The following LMOD3 variants were observed in gnomAD, a reference collection of about 807,000 sequenced individuals.
The protein encoded by LMOD3 is leiomodin-3.
In LMOD3, 31 loss-of-function variants were observed where a neutral mutation model predicts 41.8. The observed-to-expected ratio is 0.74, with a 90% confidence interval of 0.56 to 1.00. LMOD3 has a LOEUF of 1.00. LMOD3 is among the 50% of genes least tolerant of loss of function. LMOD3 has a pLI of 0.00. For synonymous variants in LMOD3, 292 were observed against 241.9 expected (o/e 1.21, Z -1.92); for missense variants, 755 against 679.5 (o/e 1.11, Z -1.23).
chr3:69,117,114 GAA>G (rs1397212915), intron 2 of LMOD3, among the ~76,000 whole-genome samples: 1 of 152,226 alleles, frequency 6.6e-6, no homozygotes, highest in African/African-American at 2.4e-5. Context: ...AGCAGGTGCA[GAA>G]AGTCTTGATG....
chr3:69,116,106 AAT>A (rs2092371388), intron 2 of LMOD3, among the ~76,000 whole-genome samples: 1 of 152,260 alleles, frequency 6.6e-6, no homozygotes. Context: ...AAAAAATTAA[AAT>A]ATCTTTTAAA....
intron 2 of LMOD3, among the ~76,000 whole-genome samples, chr3:69,113,727 T>C (rs928123100): frequency 3.9e-5 from 6 of 152,224 alleles, no homozygotes; most frequent in Non-Finnish European, 7.3e-5. Context: ...TTGGATATGA[T>C]ACAAAATGCA....
In LMOD3 at chr3:69,106,678, T is replaced by C. The variant is rs1006322632; in HGVS notation, c.*2417A>G. ...TACTGTGGCTATACAAACAAATGCATAGGGGCTTTCTAGAATTTTTTTTTT... is the reference window on the plus strand; with the variant it reads ...TACTGTGGCTATACAAACAAATGCACAGGGGCTTTCTAGAATTTTTTTTTT... On this transcript the variant is annotated 3_prime_UTR_variant, in exon 3 of 3. Transcript: ENST00000420581. Among the ~76,000 whole-genome samples, 3 of 151,244 alleles carry C rather than the reference T, an allele frequency of 2.0e-5. No homozygotes were observed. The highest frequency in any genetic ancestry group is 3.9e-4 in the East Asian group (2 of 5,072).
intron 2 of LMOD3, among the ~76,000 whole-genome samples, chr3:69,109,998 ATATCAC>A (rs998713991): frequency 8.5e-5 from 13 of 152,274 alleles, no homozygotes; most frequent in African/African-American, 2.6e-4. Flanking sequence ...GCCTGTAAAA[ATATCAC>A]TATAAGAATA....
Position 69,122,525 on chromosome 3 carries a change from TTC to T in LMOD3, c.-141_-140del. ...ACACCCTTGAGATATTTTTTTTTTT[TTC>T]CCAGGAACCTCAGTGGTTTGCTGAG... On this transcript the variant is annotated 5_prime_UTR_variant, in exon 1 of 3. Transcript: ENST00000420581. 7.5e-6 allele frequency: 5 copies of T among 664,220 alleles called. No individual in the cohort carries two copies. Among genetic ancestry groups the T allele is most frequent in the Non-Finnish European group, 1.2e-5 (5 of 401,576 alleles). 41.1% of individuals were successfully genotyped at this position (664,220 alleles called of 1,614,324 possible). A position where few individuals can be genotyped will look rare whatever the true frequency, so the allele number is the denominator to read the frequency against.
chr3:69,113,227 C>A (rs1406226820), intron 2 of LMOD3, among the ~76,000 whole-genome samples: 1 of 152,134 alleles, frequency 6.6e-6, no homozygotes, highest in African/African-American at 2.4e-5. Flanking sequence ...GAACCAGAAG[C>A]AACCACTAGG....
intron 2 of LMOD3, among the ~76,000 whole-genome samples, chr3:69,118,110 G>A (rs148036458): frequency 8.5e-4 from 130 of 152,308 alleles, no homozygotes; most frequent in African/African-American, 2.9e-3. Context: ...GATTACAGGC[G>A]TGAGCCAATG....
At chr3:69,112,944 T>C (rs1174192498) in intron 2 of LMOD3, among the ~76,000 whole-genome samples, 1 of 152,194 alleles carries the variant, frequency 6.6e-6, no homozygotes, top group Non-Finnish European at 1.5e-5. Flanking sequence ...AGGCAAGCAA[T>C]TCTGGTTTAT....
chr3:69,120,495 A>G (rs904442883), intron 1 of LMOD3, among the ~76,000 whole-genome samples: 4 of 151,794 alleles, frequency 2.6e-5, no homozygotes, highest in African/African-American at 4.8e-5. Flanking sequence ...TTGCCCTAAA[A>G]TTAACATCCC....
Position 69,107,102 on chromosome 3 carries a change from C to T in LMOD3, c.*1993G>A, listed in dbSNP as rs1207634558. On this transcript the variant is annotated 3_prime_UTR_variant, in exon 3 of 3. Coordinates refer to ENST00000420581, the MANE Select transcript of LMOD3 (RefSeq NM_198271.5). ...CCTCTTAGATGTAGTATGTGCTAGA[C>T]ACTTGAAGTTTTGTTTGTTACAGCC... The T allele has an allele frequency of 6.6e-6, 1 of 152,004 alleles. No individual in the cohort carries two copies. Among genetic ancestry groups the T allele is most frequent in the Admixed American group, 6.6e-5 (1 of 15,250 alleles). 9.4% of individuals were successfully genotyped at this position (152,004 alleles called of 1,614,324 possible).
rs2092410179 is a variant in LMOD3, at chr3:69,122,087, G to A, written c.294+6C>T. On this transcript the variant is annotated splice_donor_region_variant and intron_variant, in intron 1 of 2. Coordinates refer to ENST00000420581, the MANE Select transcript of LMOD3 (RefSeq NM_198271.5). ...ATTTCTCGGTTGTACACAAATCTCT[G>A]GTTACCTCGGATTTCACAAAGGTGA... 1.9e-6 allele frequency: 3 copies of A among 1,607,034 alleles called. No individual in the cohort carries two copies. Among genetic ancestry groups the A allele is most frequent in the Non-Finnish European group, 2.6e-6 (3 of 1,175,900 alleles).
intron 2 of LMOD3, among the ~76,000 whole-genome samples, chr3:69,110,386 C>A (rs887201005): frequency 6.6e-6 from 1 of 151,574 alleles, no homozygotes; most frequent in African/African-American, 2.4e-5. Flanking sequence ...CATGCCACCA[C>A]GCCCAGCTAA....
chr3:69,111,633 T>C (rs2092350701), intron 2 of LMOD3, among the ~76,000 whole-genome samples: 1 of 152,244 alleles, frequency 6.6e-6, no homozygotes. Flanking sequence ...TGGAGCGCAG[T>C]GGTGCAATGA....
Position 69,119,129 on chromosome 3 carries a change from T to C in LMOD3, c.1226A>G (p.Gln409Arg), listed in dbSNP as rs116257053. 3,974 of 1,613,846 alleles carry C rather than the reference T, an allele frequency of 2.5e-3. 83 individuals are homozygous for C. In the African/African-American group the frequency reaches 0.046, roughly 19 times the overall value. The change falls in exon 2 of 3, where the codon CAA (glutamine) becomes CGA (arginine). Residue 409 changes from glutamine (Q) to arginine (R), a missense_variant. Transcript: ENST00000420581. Reference sequence around the variant, plus strand: ...TATCAGCTTCTTCTGTTCCTTGAGTTGCTGCTGTTTTTGCTCTTCCTGTCG... The same window carrying C: ...TATCAGCTTCTTCTGTTCCTTGAGTCGCTGCTGTTTTTGCTCTTCCTGTCG... ...QKRQEEQKQQ[Q>R]LKEQKKLIAM...
At chr3:69,113,142 G>A (rs1183207252) in intron 2 of LMOD3, among the ~76,000 whole-genome samples, 2 of 152,244 alleles carry the variant, frequency 1.3e-5, no homozygotes, top group East Asian at 3.9e-4. Flanking sequence ...GTCGAAGGAA[G>A]AAAAAGAAGT....
intron 2 of LMOD3, among the ~76,000 whole-genome samples, chr3:69,112,339 T>C (rs1207268194): frequency 1.3e-5 from 2 of 152,236 alleles, no homozygotes; most frequent in Non-Finnish European, 2.9e-5. Flanking sequence ...GTTCCTGCTC[T>C]GGACCAACAC....
At position 69,122,248 on chromosome 3, in the gene LMOD3, T is replaced by C; in HGVS notation, c.139A>G (p.Ser47Gly). 1 of 1,613,744 alleles carries C rather than the reference T, an allele frequency of 6.2e-7. No individual in the cohort carries two copies. Among genetic ancestry groups the C allele is most frequent in the Non-Finnish European group, 8.5e-7 (1 of 1,179,818 alleles). Residue 47 changes from serine (S) to glycine (G), a missense_variant, in exon 1 of 3, where the codon AGC (serine) becomes GGC (glycine). Ser to Gly is a moderately conservative substitution (Grantham distance 56). Coordinates refer to ENST00000420581, the MANE Select transcript of LMOD3 (RefSeq NM_198271.5). ...TTCTGAATCATTCCCACGGGAAGGC[T>C]GGGGTCAGGGGCCATGACTTCCATT... The part of the protein sequence containing the change: ...SEMEVMAPDP[S>G]LPVGMIQKDQ...
In LMOD3 at chr3:69,122,285, T is replaced by G. The variant is rs1488336516; in HGVS notation, c.102A>C (p.Glu34Asp). 1 of 1,613,404 alleles carries G rather than the reference T, an allele frequency of 6.2e-7. No individual in the cohort carries two copies. Among genetic ancestry groups the G allele is most frequent in the African/African-American group, 1.3e-5 (1 of 74,916 alleles). The change falls in exon 1 of 3, where the codon GAA becomes GAC. Residue 34 changes from glutamate (E) to aspartate (D), a missense_variant. Physicochemically the swap from Glu to Asp is conservative, Grantham distance 45 (BLOSUM62 2). Transcript: ENST00000420581. ...LANLSAEELK[E>D]LQSEMEVMAP... ...CCATGACTTCCATTTCCGACTGCAGTTCTTTCAGTTCTTCAGCAGACAAGT... is the reference window on the plus strand; with the variant it reads ...CCATGACTTCCATTTCCGACTGCAGGTCTTTCAGTTCTTCAGCAGACAAGT...
At chr3:69,109,179 T>G in intron 2 of LMOD3, 58 bp from the exon 3 acceptor site, 1 of 1,536,088 alleles carries the variant, frequency 6.5e-7, no homozygotes, top group African/African-American at 1.4e-5. Flanking sequence ...TTAAGAGCTT[T>G]GCAGCAAAAT....
Sources: allele counts gnomAD v4.1 joint callset (sites outside exome capture counted in the v4.1 genomes callset), GRCh38; gene constraint gnomAD v4.1.1; transcripts MANE v1.5; gene names NCBI Gene and HGNC (gene_info 2026-07-23, HGNC 2026-07-21).